The following CTNNA2 variants were observed in gnomAD, a reference collection of about 807,000 sequenced individuals.
CTNNA2 encodes the protein catenin alpha-2.
In CTNNA2, 42 loss-of-function variants were observed where a neutral mutation model predicts 101.0. That is an observed-to-expected ratio of 0.42 (90% confidence interval 0.32 to 0.54). The LOEUF (loss-of-function observed/expected upper bound fraction) is 0.54. Ranked by LOEUF, CTNNA2 falls within the 20% of genes least tolerant of loss-of-function variation. CTNNA2 has a pLI of 0.14. For synonymous variants in CTNNA2, 450 were observed against 456.4 expected (o/e 0.99, Z 0.18); for missense variants, 871 against 1,223.1 (o/e 0.71, Z 4.29).
In CTNNA2 at chr2:79,345,178, G is replaced by T. The variant is rs919974139; in HGVS notation, c.-317-28653G>T. Among the ~76,000 whole-genome samples, 6 of 151,264 alleles carry T rather than the reference G, an allele frequency of 4.0e-5. No homozygotes were observed. In the South Asian group the frequency reaches 6.3e-4, roughly 16 times the overall value. On this transcript the variant is annotated intron_variant, in intron 3 of 21. Coordinates refer to the CTNNA2 transcript ENST00000466387. ...AGTATGATGATATCTTTCCAGAAGA[G>T]AAATAAAATCTCCTCACATTTTTCT...
At chr2:79,321,338 G>T (rs528941142) in intron 3 of CTNNA2, among the ~76,000 whole-genome samples, 1 of 152,234 alleles carries the variant, frequency 6.6e-6, no homozygotes, top group Non-Finnish European at 1.5e-5. Flanking sequence ...CCAAATGCAA[G>T]AATCTTAAAG....
intron 7 of CTNNA2, among the ~76,000 whole-genome samples, chr2:80,153,844 T>G (rs1490184120): frequency 6.6e-6 from 1 of 152,230 alleles, no homozygotes; most frequent in African/African-American, 2.4e-5. Context: ...AATAGTAGTA[T>G]TATTACATTC....
intron 7 of CTNNA2, among the ~76,000 whole-genome samples, chr2:80,179,672 C>A (rs987340957): frequency 3.9e-5 from 6 of 152,142 alleles, no homozygotes; most frequent in African/African-American, 1.4e-4. Flanking sequence ...TGTGCCCGGC[C>A]AAGAATCACC....
intron 4 of CTNNA2, among the ~76,000 whole-genome samples, chr2:79,863,015 G>C (rs2103979563): frequency 6.6e-6 from 1 of 152,272 alleles, no homozygotes; most frequent in African/African-American, 2.4e-5. Context: ...TGAGGACTCT[G>C]TTCTCTGTAG....
intron 7 of CTNNA2, among the ~76,000 whole-genome samples, chr2:80,142,044 G>A (rs1215153395): frequency 6.6e-6 from 1 of 152,062 alleles, no homozygotes; most frequent in East Asian, 1.9e-4. Flanking sequence ...TGAGGGGCCT[G>A]GAGGTCAGAT....
chr2:80,640,386 G>A (rs534631279), intron 18 of CTNNA2, among the ~76,000 whole-genome samples: 4 of 152,300 alleles, frequency 2.6e-5, no homozygotes, highest in African/African-American at 9.6e-5. Context: ...TGATGAGAAA[G>A]AGTGAGTAGA....
intron 3 of CTNNA2, among the ~76,000 whole-genome samples, chr2:79,351,539 A>G (rs1227605256): frequency 6.6e-6 from 1 of 152,200 alleles, no homozygotes; most frequent in African/African-American, 2.4e-5. Context: ...TCACTCAGGT[A>G]AAGAGCACAG....
At chr2:79,834,444 A>G (rs1316791381) in intron 3 of CTNNA2, among the ~76,000 whole-genome samples, 1 of 152,090 alleles carries the variant, frequency 6.6e-6, no homozygotes, top group Admixed American at 6.5e-5. Context: ...AGAGTTAGAA[A>G]GTTCCCAATT....
At chr2:80,471,729 T>C (rs1044402113) in intron 9 of CTNNA2, among the ~76,000 whole-genome samples, 1 of 152,152 alleles carries the variant, frequency 6.6e-6, no homozygotes, top group Non-Finnish European at 1.5e-5. Flanking sequence ...CGATATACCA[T>C]AATGTAAGGA....
intron 2 of CTNNA2, among the ~76,000 whole-genome samples, chr2:79,255,605 TA>T (rs1235112411): frequency 6.6e-6 from 1 of 152,096 alleles, no homozygotes; most frequent in Non-Finnish European, 1.5e-5. Flanking sequence ...GATTGAGGTA[TA>T]AAAGACTGGA....
chr2:79,801,434 A>G lies in CTNNA2; in HGVS notation c.299-56579A>G, dbSNP rs573610569. Among the ~76,000 whole-genome samples, 6 of 152,304 alleles carry G rather than the reference A, an allele frequency of 3.9e-5. No individual in the cohort carries two copies. The South Asian group carries it at 1.2e-3, about 32-fold the overall frequency. On this transcript the variant is annotated intron_variant, in intron 3 of 18. Transcript: ENST00000402739. ...ATTAAATGCTCTTTAGAGAAACTGG[A>G]AAGGGCTTGAGTTCCAGGTTATTGA... is the stretch of plus-strand genomic sequence containing the variant.
At chr2:79,978,381 T>C (rs1037287928) in intron 7 of CTNNA2, among the ~76,000 whole-genome samples, 1 of 152,110 alleles carries the variant, frequency 6.6e-6, no homozygotes, top group Non-Finnish European at 1.5e-5. Context: ...CTTGTTCATC[T>C]GTCATCTCTG....
chr2:79,217,667 C>T (rs892399281), intron 2 of CTNNA2, among the ~76,000 whole-genome samples: 2 of 152,168 alleles, frequency 1.3e-5, no homozygotes, highest in African/African-American at 4.8e-5. Flanking sequence ...GTGCAGGTCA[C>T]AGGGAATATG....
chr2:79,656,027 T>C (rs1681590430), intron 2 of CTNNA2, among the ~76,000 whole-genome samples: 1 of 152,148 alleles, frequency 6.6e-6, no homozygotes, highest in Non-Finnish European at 1.5e-5. Flanking sequence ...GCACTGTAAG[T>C]AGTCTTAACA....
intron 1 of CTNNA2, among the ~76,000 whole-genome samples, chr2:79,514,269 G>A (rs1310593583): frequency 1.3e-5 from 2 of 152,186 alleles, no homozygotes; most frequent in African/African-American, 4.8e-5. Context: ...CAGTTTTGGA[G>A]AAATGAGGTT....
intron 9 of CTNNA2, among the ~76,000 whole-genome samples, chr2:80,502,076 C>A (rs1186175636): frequency 6.6e-6 from 1 of 152,128 alleles, no homozygotes; most frequent in Non-Finnish European, 1.5e-5. Flanking sequence ...TGAATCCTAA[C>A]CCTGCTATAT....
At chr2:79,982,860 T>C (rs958477560) in intron 7 of CTNNA2, among the ~76,000 whole-genome samples, 2 of 151,368 alleles carry the variant, frequency 1.3e-5, no homozygotes, top group African/African-American at 4.8e-5. Context: ...CTTTCCTCTA[T>C]CTCTCTTTCA....
At chr2:80,160,148 C>A (rs535293562) in intron 7 of CTNNA2, among the ~76,000 whole-genome samples, 48 of 152,204 alleles carry the variant, frequency 3.2e-4, no homozygotes, top group Non-Finnish European at 4.0e-4. Flanking sequence ...GTCCTCTGTT[C>A]CATTGTACTA....
rs779989636 is a variant in CTNNA2 at position 80,545,972 on chromosome 2, C to T, written c.1449C>T (p.Asp483=). 38 of 1,613,972 alleles carry T rather than the reference C, an allele frequency of 2.4e-5. No individual in the cohort carries two copies. The East Asian group carries it at 4.0e-4, about 17-fold the overall frequency. Residue 483 remains aspartate, a synonymous_variant, in exon 11 of 19, where the codon GAC becomes GAT. Coordinates refer to ENST00000402739, the MANE Select transcript of CTNNA2 (RefSeq NM_001282597.3). ...GCAAAGTTGCTCAGGATAACATGGA[C>T]GTCTTCAAAGACCAGTGGGAGAAGC... ...PQSKVAQDNM[D]VFKDQWEKQV... is the part of the protein sequence containing the mutation.
Sources: gnomAD v4.1 joint callset for allele counts (sites outside exome capture counted in the v4.1 genomes callset) on GRCh38, gnomAD v4.1.1 for gene constraint, MANE v1.5 for transcripts, NCBI Gene and HGNC (gene_info 2026-07-23, HGNC 2026-07-21) for gene names.